The following MFSD12 variants were observed in gnomAD, a reference collection of about 807,000 sequenced individuals.
MFSD12 encodes the protein major facilitator superfamily domain containing 12.
In MFSD12, 67 loss-of-function variants were observed where a neutral mutation model predicts 51.2. That is an observed-to-expected ratio of 1.31 (90% CI 1.08 to 1.60). The LOEUF (loss-of-function observed/expected upper bound fraction) is 1.60. Among genes scored for constraint, MFSD12 ranks in the 40% most tolerant of loss-of-function variants. The probability of loss-of-function intolerance (pLI) is 0.00; values close to 1 mark genes in which losing one functional copy is unlikely to be tolerated. For synonymous variants in MFSD12, 441 were observed against 316.7 expected (o/e 1.39, Z -4.17); for missense variants, 921 against 673.0 (o/e 1.37, Z -4.08).
intron 2 of MFSD12, 76 bp from the exon 3 acceptor site, chr19:3,548,343 CAG>C (rs775935012): frequency 5.9e-6 from 9 of 1,522,464 alleles, no homozygotes; most frequent in Non-Finnish European, 7.0e-6. Flanking sequence ...GCTACGCCGT[CAG>C]AGAGGCCTGG....
intron 8 of MFSD12, 82 bp from the exon 9 acceptor site, chr19:3,545,021 C>T: frequency 1.3e-6 from 2 of 1,495,458 alleles, no homozygotes; most frequent in South Asian, 2.6e-5. Flanking sequence ...CTCCCCTCAC[C>T]CCCGACAGCG....
At chr19:3,547,659 T>C (rs529299274) in intron 4 of MFSD12, 112 bp from the exon 5 acceptor site, 8 of 1,185,544 alleles carry the variant, frequency 6.7e-6, no homozygotes, top group Admixed American at 2.2e-5. Context: ...ATTTGATCCA[T>C]TGGTAGTGAC....
chr19:3,547,651 T>G, intron 4 of MFSD12, 104 bp from the exon 5 acceptor site: 1 of 1,220,342 alleles, frequency 8.2e-7, no homozygotes, highest in Non-Finnish European at 1.2e-6. Context: ...CAGCTGGCAT[T>G]TGATCCATTG....
At chr19:3,543,026 T>C, downstream of MFSD12, 1 of 1,605,680 alleles carries the variant, frequency 6.2e-7, no homozygotes, top group Non-Finnish European at 8.5e-7. Context: ...GGGTGCGATG[T>C]GTGGGGAGAG....
chr19:3,556,052 C>A (rs2031707648), intron 1 of MFSD12, among the ~76,000 whole-genome samples: 1 of 152,114 alleles, frequency 6.6e-6, no homozygotes, highest in Admixed American at 6.5e-5. Flanking sequence ...CTGACCCTGG[C>A]CAGACAGATA....
At chr19:3,545,132 T>G (rs1223639705) in intron 8 of MFSD12, among the ~76,000 whole-genome samples, 193 bp from the exon 9 acceptor site, 1 of 152,162 alleles carries the variant, frequency 6.6e-6, no homozygotes, top group Non-Finnish European at 1.5e-5. Flanking sequence ...GCTTCCAGCA[T>G]CCATGCCAAA....
intron 8 of MFSD12, among the ~76,000 whole-genome samples, chr19:3,545,704 G>T (rs1035185883): frequency 6.6e-6 from 1 of 152,240 alleles, no homozygotes. Flanking sequence ...ACCGGCTGTG[G>T]TTTCCAGGCC....
downstream of MFSD12, chr19:3,543,491 C>CCCCCCCGGG: frequency 1.3e-6 from 2 of 1,516,062 alleles, no homozygotes; most frequent in Non-Finnish European, 1.8e-6. Flanking sequence ...CCCCCCCCCC[C>CCCCCCCGGG]GCCCTGGGCA....
chr19:3,557,395 C>T lies in MFSD12; in HGVS notation c.9G>A (p.Pro3=), dbSNP rs1194344472. The part of the protein sequence containing the change: MG[P]GPPAAGAAPS... Reference sequence around the variant, plus strand: ...GCGCCGCTCCGGCCGCTGGGGGTCCCGGGCCCATCGCGGCGCCGGGCCCGC... The same window carrying T: ...GCGCCGCTCCGGCCGCTGGGGGTCCTGGGCCCATCGCGGCGCCGGGCCCGC... Residue 3 remains proline (P), a synonymous_variant, in exon 1 of 10, where the codon CCG becomes CCA. Coordinates refer to ENST00000355415, the MANE Select transcript of MFSD12 (RefSeq NM_174983.5). The T allele has an allele frequency of 1.2e-5, 15 of 1,247,992 alleles. No homozygotes were observed. The highest frequency in any genetic ancestry group is 1.4e-5 in the Non-Finnish European group (14 of 993,422). The allele number at this position is 1,247,992 out of a possible 1,614,324, so 77.3% of individuals were successfully genotyped here.
At chr19:3,543,478 G>C (rs1021386184), downstream of MFSD12, 6 of 1,505,226 alleles carry the variant, frequency 4.0e-6, no homozygotes, top group African/African-American at 9.7e-5. Context: ...CATCGGGTGA[G>C]TGCCCCCCCC....
At chr19:3,541,674 G>T (rs1223899531), downstream of MFSD12, 3 of 985,286 alleles carry the variant, frequency 3.0e-6, no homozygotes, top group Non-Finnish European at 3.6e-6. Context: ...ATGGGCTCCC[G>T]CAAGTGTGTA....
chr19:3,539,420 C>A (rs768107316), downstream of MFSD12: 6 of 593,420 alleles, frequency 1.0e-5, no homozygotes, highest in East Asian at 1.7e-4. Context: ...CTGTTCCCCT[C>A]CGGCCAGTGG....
chr19:3,547,755 G>C, intron 4 of MFSD12, 93 bp downstream of exon 4: 1 of 1,403,688 alleles, frequency 7.1e-7, no homozygotes, highest in Non-Finnish European at 9.4e-7. Context: ...GGGGCCACGT[G>C]TGCTCTGCGT....
chr19:3,544,886 GCCA>G lies in MFSD12; in HGVS notation c.1340_1342del (p.Val447del). 1 of 1,611,834 alleles carries G rather than the reference GCCA, an allele frequency of 6.2e-7. No homozygotes were observed. Among genetic ancestry groups the G allele is most frequent in the Non-Finnish European group, 8.5e-7 (1 of 1,179,550 alleles). ...GGCCACGCCCACGCCGCCCGTCACA[GCCA>G]CCATCGCCCAGTGGTAAAAGCTCAC... is the stretch of plus-strand genomic sequence containing the variant. On this transcript the variant is annotated inframe_deletion, in exon 9 of 10. Transcript: ENST00000355415.
chr19:3,544,406 C>G lies in MFSD12; in HGVS notation c.*304G>C. Reference sequence around the variant, plus strand: ...TGGACTGAGCTCAGGGTTAGGGTTCCCCCAGACCCTTCTGGGATTCCTACT... The same window carrying G: ...TGGACTGAGCTCAGGGTTAGGGTTCGCCCAGACCCTTCTGGGATTCCTACT... On this transcript the variant is annotated 3_prime_UTR_variant, in exon 10 of 10. Coordinates refer to ENST00000355415, the MANE Select transcript of MFSD12 (RefSeq NM_174983.5). The G allele has an allele frequency of 1.5e-6, 2 of 1,321,448 alleles. No individual in the cohort carries two copies. Among genetic ancestry groups the G allele is most frequent in the South Asian group, 4.6e-5 (2 of 43,800 alleles). 81.9% of individuals were successfully genotyped at this position (1,321,448 alleles called of 1,614,324 possible). A position where few individuals can be genotyped will look rare whatever the true frequency, so the allele number is the denominator to read the frequency against.
At chr19:3,543,609 A>C (rs976590176), downstream of MFSD12, 1 of 1,543,802 alleles carries the variant, frequency 6.5e-7, no homozygotes, top group Non-Finnish European at 8.7e-7. Flanking sequence ...GTCCCTGCCC[A>C]GTACCAGGCC....
chr19:3,542,426 G>C (rs1198442157), downstream of MFSD12: 2 of 985,282 alleles, frequency 2.0e-6, no homozygotes, highest in African/African-American at 3.5e-5. Context: ...TGACTTCCTT[G>C]GGACATATTC....
At chr19:3,556,842 G>T (rs1260773307) in intron 1 of MFSD12, among the ~76,000 whole-genome samples, 1 of 109,846 alleles carries the variant, frequency 9.1e-6, no homozygotes, top group Admixed American at 1.2e-4. Context: ...CAGGCCATGG[G>T]CACAGACAGA....
chr19:3,548,046 A>T lies in MFSD12; in HGVS notation c.655-16T>A, dbSNP rs965716385. 11 of 1,600,206 alleles carry T rather than the reference A, an allele frequency of 6.9e-6. No individual in the cohort carries two copies. The Admixed American group carries it at 1.2e-4, about 17-fold the overall frequency. ...GGGACAGGTTCTGGGGATGCAGCAG[A>T]AGCAGTCAGTGGTGGCGGGCCCAGC... On this transcript the variant is annotated splice_polypyrimidine_tract_variant and intron_variant, in intron 3 of 9. Transcript: ENST00000355415.
Sources: gnomAD v4.1 joint callset for allele counts (sites outside exome capture counted in the v4.1 genomes callset) on GRCh38, gnomAD v4.1.1 for gene constraint, MANE v1.5 for transcripts, NCBI Gene and HGNC (gene_info 2026-07-23, HGNC 2026-07-21) for gene names.